MICAL3: variants seen among roughly 807,000 people sequenced by gnomAD.
MICAL3 encodes microtubule associated monooxygenase, calponin and LIM domain containing 3.
MICAL3 carries 62 observed loss-of-function variants against 207.4 expected under a neutral mutation model. The observed-to-expected ratio is 0.30, with a 90% CI of 0.24 to 0.37. The LOEUF (loss-of-function observed/expected upper bound fraction) is 0.37. Ranked by LOEUF, MICAL3 falls within the 10% of genes least tolerant of loss-of-function variation. The probability of loss-of-function intolerance (pLI) is 1.00; values close to 1 mark genes in which losing one functional copy is unlikely to be tolerated. For synonymous variants in MICAL3, 1,077 were observed against 1,069.3 expected (o/e 1.01, Z -0.14); for missense variants, 2,368 against 2,635.6 (o/e 0.90, Z 2.22).
chr22:17,914,809 A>G (rs77991919), intron 1 of MICAL3, among the ~76,000 whole-genome samples: 2,474 of 152,340 alleles, frequency 0.016, 37 homozygotes, highest in Non-Finnish European at 0.025. Flanking sequence ...GTGCTAACAC[A>G]GTATGTATCA....
At chr22:17,904,033 G>A (rs574116557) in intron 3 of MICAL3, among the ~76,000 whole-genome samples, 45 of 152,278 alleles carry the variant, frequency 3.0e-4, no homozygotes, top group African/African-American at 1.0e-3. Context: ...GCAAAGGCCC[G>A]GGCTGAGCTT....
At chr22:17,792,644 C>A (rs1471940743) in intron 29 of MICAL3, among the ~76,000 whole-genome samples, 1 of 152,208 alleles carries the variant, frequency 6.6e-6, no homozygotes, top group Non-Finnish European at 1.5e-5. Context: ...TAGTCTCTAC[C>A]CAGTGGCCAC....
chr22:17,801,254 G>A (rs1448259160), intron 29 of MICAL3, among the ~76,000 whole-genome samples: 1 of 74,318 alleles, frequency 1.3e-5, no homozygotes, highest in Non-Finnish European at 2.3e-5. Flanking sequence ...CCGGGTTCAC[G>A]CCATTCTCCT....
In MICAL3 at chr22:17,947,731, A is replaced by G. The variant is rs184133550; in HGVS notation, c.-74-40845T>C. On this transcript the variant is annotated intron_variant, in intron 1 of 31. Transcript: ENST00000441493. ...TGGTGTGCACCACCACACCCGGCTG[A>G]TATTTTCTTAAATTTTTTGTAGAGA... 4.5e-3 allele frequency among the ~76,000 whole-genome samples: 644 copies of G among 143,072 alleles called. 2 individuals are homozygous for G. The highest frequency in any genetic ancestry group is 6.4e-3 in the Non-Finnish European group (411 of 64,228). 93.9% of individuals were successfully genotyped at this position (143,072 alleles called of 152,430 possible).
intron 7 of MICAL3, 170 bp downstream of exon 7, chr22:17,899,278 C>G: frequency 1.5e-6 from 1 of 689,000 alleles, no homozygotes; most frequent in Non-Finnish European, 2.7e-6. Context: ...TTGAAATTAG[C>G]CATAGTTAAG....
intron 11 of MICAL3, among the ~76,000 whole-genome samples, chr22:17,892,139 T>G (rs1374661365): frequency 1.3e-5 from 2 of 152,184 alleles, no homozygotes; most frequent in African/African-American, 2.4e-5. Context: ...ACTGTATAAC[T>G]TGCCAAGAGA....
At chr22:17,923,342 T>TG (rs1258270408) in intron 1 of MICAL3, among the ~76,000 whole-genome samples, 3 of 152,342 alleles carry the variant, frequency 2.0e-5, no homozygotes, top group East Asian at 3.9e-4. Flanking sequence ...AAAAACCAAC[T>TG]GCCATGACCT....
chr22:17,915,310 G>A (rs1463183848), intron 1 of MICAL3, among the ~76,000 whole-genome samples: 1 of 152,216 alleles, frequency 6.6e-6, no homozygotes. Flanking sequence ...GGGCTACCCG[G>A]TCACCTACAC....
chr22:17,906,692 G>A lies in MICAL3; in HGVS notation c.121C>T (p.Leu41=). Residue 41 remains leucine, a synonymous_variant, in exon 2 of 32, where the codon CTA becomes TTA. Coordinates refer to ENST00000441493, the MANE Select transcript of MICAL3 (RefSeq NM_015241.3). ...AAGGAGCGGTAGTCCTTTGGCTTTA[G>A]TTCCAGGTGGTCACAGAGCTCCTGG... is the stretch of plus-strand genomic sequence containing the variant. ...AFQELCDHLE[L]KPKDYRSFYH... The A allele has an allele frequency of 6.2e-7, 1 of 1,614,012 alleles. No homozygotes were observed. Among genetic ancestry groups the A allele is most frequent in the Non-Finnish European group, 8.5e-7 (1 of 1,179,902 alleles).
At chr22:17,814,789 T>C (rs2062085226) in intron 27 of MICAL3, 1 of 149,808 alleles carries the variant, frequency 6.7e-6, no homozygotes, top group Non-Finnish European at 1.5e-5. Context: ...AGGTCATCCA[T>C]CCCCTAGCTC....
At position 17,902,527 on chromosome 22, in the gene MICAL3, C is replaced by G; in HGVS notation, c.589+104G>C. ...CCCCAAAGGCACAGGCTTTGGCTAG[C>G]TCTGGAAGCAGCCCTCAGGAGCCTT... On this transcript the variant is annotated intron_variant, in intron 4 of 31. Coordinates refer to ENST00000441493, the MANE Select transcript of MICAL3 (RefSeq NM_015241.3). This position sits in a 1 kb window ranked among gnomAD's most constrained non-coding sequence, Gnocchi z 4.5. 1.5e-6 allele frequency: 1 copy of G among 661,598 alleles called. No individual in the cohort carries two copies. Among genetic ancestry groups the G allele is most frequent in the African/African-American group, 1.8e-5 (1 of 55,518 alleles). 41.0% of individuals were successfully genotyped at this position (661,598 alleles called of 1,614,324 possible). A position where few individuals can be genotyped will look rare whatever the true frequency, so the allele number is the denominator to read the frequency against.
intron 1 of MICAL3, among the ~76,000 whole-genome samples, chr22:17,990,060 G>A (rs745650311): frequency 6.6e-5 from 10 of 151,900 alleles, no homozygotes; most frequent in African/African-American, 1.5e-4. Flanking sequence ...AGGGACCAAC[G>A]GATACAACTT....
At chr22:17,893,495 T>G (rs1318080122) in intron 11 of MICAL3, among the ~76,000 whole-genome samples, 1 of 152,202 alleles carries the variant, frequency 6.6e-6, no homozygotes, top group South Asian at 2.1e-4. Flanking sequence ...GCCCCGCGTC[T>G]GTACCTGGTT....
At position 17,944,561 on chromosome 22, in the gene MICAL3, C is replaced by G. The variant is rs138293574; in HGVS notation, c.-74-37675G>C. Among the ~76,000 whole-genome samples the G allele has an allele frequency of 5.8e-3, 882 of 152,320 alleles. 7 individuals are homozygous for G. The highest frequency in any genetic ancestry group is 0.021 in the African/African-American group (856 of 41,568). ...CGCTTTGCTAATGGCACAAGGGCAA[C>G]ATTCCATGCAAAGTTTCGGTGTGCA... On this transcript the variant is annotated intron_variant, in intron 1 of 31. Transcript: ENST00000441493.
At chr22:17,982,679 TCATAACATAA>T (rs11268253) in intron 1 of MICAL3, among the ~76,000 whole-genome samples, 80 of 143,046 alleles carry the variant, frequency 5.6e-4, no homozygotes, top group Admixed American at 3.3e-3. Flanking sequence ...TCAAAAAAAT[TCATAACATAA>T]CATAACATAA....
At chr22:17,950,166 A>ATTTTTTTTTT (rs10657913) in intron 1 of MICAL3, among the ~76,000 whole-genome samples, 20 of 144,012 alleles carry the variant, frequency 1.4e-4, no homozygotes, top group African/African-American at 5.3e-4. Flanking sequence ...ACAGCTGTCT[A>ATTTTTTTTTT]TTTTTTTTTT....
chr22:17,941,532 T>C (rs35089989), intron 1 of MICAL3, among the ~76,000 whole-genome samples: 24,855 of 152,166 alleles, frequency 0.16, 2,349 homozygotes, highest in Middle Eastern at 0.25. Flanking sequence ...AGACGGAAAG[T>C]AGAAACAGGT....
At chr22:17,853,038 G>A (rs1326074926) in intron 19 of MICAL3, among the ~76,000 whole-genome samples, 1 of 150,266 alleles carries the variant, frequency 6.7e-6, no homozygotes, top group East Asian at 1.9e-4. Flanking sequence ...TCGCACTGCT[G>A]CACTCCACCC....
At chr22:17,930,863 G>A (rs768899864) in intron 1 of MICAL3, among the ~76,000 whole-genome samples, 3 of 152,360 alleles carry the variant, frequency 2.0e-5, no homozygotes, top group African/African-American at 4.8e-5. Flanking sequence ...TCTCCACACT[G>A]CGGCCAGCTC....
Sources: allele counts gnomAD v4.1 joint callset (sites outside exome capture counted in the v4.1 genomes callset), GRCh38; gene constraint gnomAD v4.1.1; non-coding constraint Gnocchi (gnomAD v3.1); transcripts MANE v1.5; gene names NCBI Gene and HGNC (gene_info 2026-07-23, HGNC 2026-07-21).